FANCD2: variants seen among roughly 807,000 people sequenced by gnomAD.
FANCD2 encodes Fanconi anemia group D2 protein.
FANCD2 carries 131 observed loss-of-function variants against 192.3 expected under a neutral mutation model. That is an observed-to-expected ratio of 0.68 (90% CI 0.59 to 0.79). FANCD2 has a LOEUF of 0.79. Among genes scored for constraint, FANCD2 ranks in the 30% least tolerant of loss-of-function variants. The probability of loss-of-function intolerance (pLI) is 0.00; values close to 1 mark genes in which losing one functional copy is unlikely to be tolerated. For synonymous variants in FANCD2, 524 were observed against 612.5 expected, an observed-to-expected ratio of 0.86 and a Z score of 2.13; for missense variants, 1,508 against 1,701.6, an observed-to-expected ratio of 0.89 and a Z score of 2.00.
intron 39 of FANCD2, among the ~76,000 whole-genome samples, chr3:10,093,661 T>C (rs1279363768): frequency 1.3e-5 from 2 of 152,186 alleles, no homozygotes; most frequent in Admixed American, 1.3e-4. Flanking sequence ...TTAAAGTCTA[T>C]GGGTGGCCTT....
chr3:10,060,202 G>C, intron 18 of FANCD2, 92 bp from the exon 19 acceptor site: 1 of 775,222 alleles, frequency 1.3e-6, no homozygotes. Flanking sequence ...AACGGTAAAC[G>C]CCTTTATAGT....
rs571148016 is a variant in FANCD2, at chr3:10,076,021, G to A, written c.2859+1348G>A. On this transcript the variant is annotated intron_variant, in intron 29 of 43. Coordinates refer to ENST00000675286, the MANE Select transcript of FANCD2 (RefSeq NM_001018115.3). ...GTTGGGATTACAGGTGTGAGCCACT[G>A]CGCCCAGCCATATCTTTTTTTTTTT... is the stretch of plus-strand genomic sequence containing the variant. Among the ~76,000 whole-genome samples, 4 of 150,492 alleles carry A rather than the reference G, an allele frequency of 2.7e-5. No individual in the cohort carries two copies. The East Asian group carries it at 5.8e-4, about 22-fold the overall frequency.
At chr3:10,083,144 T>C (rs2125063636) in intron 32 of FANCD2, among the ~76,000 whole-genome samples, 1 of 152,152 alleles carries the variant, frequency 6.6e-6, no homozygotes, top group East Asian at 1.9e-4. Flanking sequence ...ACAGGATGGC[T>C]TGAGCCTGTG....
chr3:10,075,255 C>CTAGT (rs1693471262), intron 29 of FANCD2, among the ~76,000 whole-genome samples: 2 of 151,696 alleles, frequency 1.3e-5, no homozygotes, highest in African/African-American at 4.8e-5. Flanking sequence ...CGGATCTCCA[C>CTAGT]TCACTGCAAG....
At chr3:10,028,850 G>A in intron 2 of FANCD2, 129 bp downstream of exon 2, 2 of 858,848 alleles carry the variant, frequency 2.3e-6, no homozygotes, top group Non-Finnish European at 1.9e-6. Context: ...CAGAATTAAG[G>A]GAGAAATATC....
At chr3:10,067,975 C>T (rs1575798998) in intron 26 of FANCD2, among the ~76,000 whole-genome samples, 1 of 152,016 alleles carries the variant, frequency 6.6e-6, no homozygotes, top group Non-Finnish European at 1.5e-5. Flanking sequence ...ATTCAACATC[C>T]TTTCATCATA....
rs1695277898 is a variant in FANCD2 at position 10,101,190 on chromosome 3, T to C, written c.4284T>C (p.Asp1428=). 6.2e-7 allele frequency: 1 copy of C among 1,611,622 alleles called. No homozygotes were observed. Among genetic ancestry groups the C allele is most frequent in the Non-Finnish European group, 8.5e-7 (1 of 1,177,956 alleles). The change falls in exon 44 of 44, where the codon GAT becomes GAC. Residue 1428 remains aspartate (D), a splice_region_variant and synonymous_variant. Coordinates refer to ENST00000675286, the MANE Select transcript of FANCD2 (RefSeq NM_001018115.3). ...SQASKSKATE[D]GEEDEVSAGE... is the part of the protein sequence containing the mutation. ...TTTATTTATTCTTTGCCCCTTAGGA[T>C]GGTGAAGAAGACGAAGTAAGTGCTG...
intron 4 of FANCD2, 42 bp downstream of exon 4, chr3:10,034,578 A>C (rs916618083): frequency 6.4e-7 from 1 of 1,559,534 alleles, no homozygotes; most frequent in African/African-American, 1.4e-5. Flanking sequence ...TGCCAGCATA[A>C]CTCTAGAATT....
chr3:10,092,667 C>T (rs1176691569), intron 38 of FANCD2, among the ~76,000 whole-genome samples: 10 of 148,614 alleles, frequency 6.7e-5, no homozygotes, highest in Admixed American at 2.7e-4. Context: ...GTCCTTGTCT[C>T]TCCACCTCTT....
At chr3:10,052,314 G>A (rs2125011757) in intron 17 of FANCD2, 73 bp from the exon 18 acceptor site, 2 of 972,778 alleles carry the variant, frequency 2.1e-6, no homozygotes. Flanking sequence ...CTTTTACAGG[G>A]ATTTTAATTT....
Position 10,044,053 on chromosome 3 carries a change from C to T in FANCD2, c.1134+189C>T, listed in dbSNP as rs572475084. ...GTGGCGACTGGCCAGATAGCCTGCCCCTACTCACTCTGGCTATAAAATAAG... is the reference window on the plus strand; with the variant it reads ...GTGGCGACTGGCCAGATAGCCTGCCTCTACTCACTCTGGCTATAAAATAAG... On this transcript the variant is annotated intron_variant, in intron 14 of 43. Coordinates refer to ENST00000675286, the MANE Select transcript of FANCD2 (RefSeq NM_001018115.3). Among the ~76,000 whole-genome samples the T allele has an allele frequency of 1.1e-3, 162 of 152,214 alleles. 2 individuals are homozygous for T. The highest frequency in any genetic ancestry group is 3.8e-3 in the African/African-American group (156 of 41,538).
intron 19 of FANCD2, among the ~76,000 whole-genome samples, chr3:10,061,709 G>A (rs34603919): frequency 6.6e-6 from 1 of 151,980 alleles, no homozygotes; most frequent in Non-Finnish European, 1.5e-5. Flanking sequence ...AAAATATATA[G>A]GATAACCATC....
intron 20 of FANCD2, among the ~76,000 whole-genome samples, chr3:10,062,601 T>C (rs1249374630): frequency 1.3e-5 from 2 of 152,210 alleles, no homozygotes; most frequent in African/African-American, 2.4e-5. Flanking sequence ...TTCTAGTCAC[T>C]GTCAGTTCAC....
chr3:10,041,254 T>C, intron 9 of FANCD2: 1 of 261,542 alleles, frequency 3.8e-6, no homozygotes, highest in Non-Finnish European at 7.4e-6. Flanking sequence ...CTCACTATGT[T>C]GTGCTCCTGT....
intron 28 of FANCD2, 42 bp from the exon 29 acceptor site, chr3:10,074,488 G>A: frequency 6.4e-7 from 1 of 1,556,158 alleles, no homozygotes; most frequent in Non-Finnish European, 8.8e-7. Context: ...GATTAATATA[G>A]AAGATTTATA....
chr3:10,091,942 C>G (rs1261815611), intron 37 of FANCD2, among the ~76,000 whole-genome samples: 1 of 152,166 alleles, frequency 6.6e-6, no homozygotes, highest in African/African-American at 2.4e-5. Context: ...CTTTTACTTA[C>G]TTGGGAATTG....
At chr3:10,092,569 C>T (rs1053393322) in intron 38 of FANCD2, among the ~76,000 whole-genome samples, 1 of 151,978 alleles carries the variant, frequency 6.6e-6, no homozygotes, top group Non-Finnish European at 1.5e-5. Flanking sequence ...CCTCTTCTAA[C>T]CCTGAATGCC....
In FANCD2 at chr3:10,065,930, G is replaced by A. The variant is rs377083479; in HGVS notation, c.2336G>A (p.Arg779His). ...EKLESMSAKE[R>H]SFMCSLIFLT... ...TTGGAGTCCATGTCTGCTAAAGAGCGTTCATTCATGTGTTCTCTCATATTT... is the reference window on the plus strand; with the variant it reads ...TTGGAGTCCATGTCTGCTAAAGAGCATTCATTCATGTGTTCTCTCATATTT... The change falls in exon 25 of 44, where the codon CGT becomes CAT. Residue 779 changes from arginine (R) to histidine (H), a missense_variant. Around this residue, in one of 5 missense-constraint regions of FANCD2, gnomAD observed 796 missense variants for 879.4 expected, o/e 0.91. Transcript: ENST00000675286. The A allele has an allele frequency of 2.4e-5, 38 of 1,613,512 alleles. No homozygotes were observed. The highest frequency in any genetic ancestry group is 1.9e-4 in the African/African-American group (14 of 75,014).
In FANCD2 at chr3:10,039,768, C is replaced by G. The variant is rs1411930670; in HGVS notation, c.618C>G (p.Asn206Lys). The G allele has an allele frequency of 1.2e-6, 2 of 1,613,906 alleles. No individual in the cohort carries two copies. Among genetic ancestry groups the G allele is most frequent in the Non-Finnish European group, 1.7e-6 (2 of 1,179,944 alleles). The change falls in exon 9 of 44, where the codon AAC becomes AAG. Residue 206 changes from asparagine (N) to lysine (K), a missense_variant. Coordinates refer to ENST00000675286, the MANE Select transcript of FANCD2 (RefSeq NM_001018115.3). ...IMQLISIAPE[N>K]LQHDIITSLP... The stretch of plus-strand genomic sequence containing the variant: ...AGCTGATCAGTATTGCTCCAGAGAA[C>G]CTGCAGCATGACATCATCACCAGCC...
Sources: allele counts gnomAD v4.1 joint callset (sites outside exome capture counted in the v4.1 genomes callset), GRCh38; gene constraint gnomAD v4.1.1; regional missense constraint gnomAD v4.1.1; transcripts MANE v1.5; gene names NCBI Gene and HGNC (gene_info 2026-07-23, HGNC 2026-07-21).